Variants in HECTD4 observed in about 807,000 individuals in gnomAD.
The protein encoded by HECTD4 is HECT domain E3 ubiquitin protein ligase 4, also known as probable E3 ubiquitin-protein ligase HECTD4.
Under a neutral mutation model 471.5 loss-of-function variants are expected in HECTD4, and 114 were observed. That is an observed-to-expected ratio of 0.24 (90% CI 0.21 to 0.28). The LOEUF is 0.28. Ranked by LOEUF, HECTD4 falls within the 10% of genes least tolerant of loss-of-function variation. The pLI, the probability that HECTD4 is intolerant of heterozygous loss-of-function variation, is 1.00. For missense variants in HECTD4, 3,866 were observed against 5,651.5 expected, an observed-to-expected ratio of 0.68 and a Z score of 10.13; for synonymous variants, 2,012 against 2,256.0, an observed-to-expected ratio of 0.89 and a Z score of 3.07.
chr12:112,341,778 A>G (rs890430674), intron 1 of HECTD4, among the ~76,000 whole-genome samples: 1 of 152,224 alleles, frequency 6.6e-6, no homozygotes, highest in Admixed American at 6.5e-5. Context: ...ATAAACCACT[A>G]AAAAGAAGAT....
At chr12:112,253,820 G>A (rs1324809725) in intron 22 of HECTD4, among the ~76,000 whole-genome samples, 1 of 152,168 alleles carries the variant, frequency 6.6e-6, no homozygotes, top group Non-Finnish European at 1.5e-5. Flanking sequence ...TTCTATGCAT[G>A]GAGTAACTTG....
chr12:112,319,642 C>T lies in HECTD4; in HGVS notation c.278G>A (p.Arg93His), dbSNP rs2035546989. The T allele has an allele frequency of 7.3e-7, 1 of 1,365,728 alleles. No homozygotes were observed. The highest frequency in any genetic ancestry group is 9.4e-7 in the Non-Finnish European group (1 of 1,062,724). The allele number at this position is 1,365,728 out of a possible 1,614,324, so 84.6% of individuals were successfully genotyped here. Residue 93 changes from arginine to histidine, a missense_variant, in exon 2 of 76, where the codon CGC becomes CAC. Arg to His is a conservative substitution (Grantham distance 29). Coordinates refer to ENST00000682272, the MANE Select transcript of HECTD4 (RefSeq NM_001388303.1). This position sits in a 1 kb window ranked among gnomAD's most constrained non-coding sequence, Gnocchi z 5.3. ...SNAYARLLEY[R>H]LNALRGLWNA... Reference sequence around the variant, plus strand: ...CCACAGTCCTCGCAAGGCATTCAGGCGGTATTCCAGCAGCCGGGCATAGGC... The same window carrying T: ...CCACAGTCCTCGCAAGGCATTCAGGTGGTATTCCAGCAGCCGGGCATAGGC...
At position 112,235,661 on chromosome 12, in the gene HECTD4, C is replaced by T. The variant is rs376486522; in HGVS notation, c.5568G>A (p.Ala1856=). Residue 1856 remains alanine, a synonymous_variant, in exon 36 of 76, where the codon GCG becomes GCA. Coordinates refer to ENST00000682272, the MANE Select transcript of HECTD4 (RefSeq NM_001388303.1). This position sits in a 1 kb window ranked among gnomAD's most constrained non-coding sequence, Gnocchi z 5.0. ...VLIILQLCRA[A]LPLMSVEDCG... ...AGTCTTCTACGCTCATCAGGGGCAG[C>T]GCCGCCCGGCACAGCTGGAGAATAA... 205 of 1,614,004 alleles carry T rather than the reference C, an allele frequency of 1.3e-4. No individual in the cohort carries two copies. In the African/African-American group the frequency reaches 2.1e-3, roughly 17 times the overall value.
chr12:112,190,152 C>G (rs2032031168), intron 60 of HECTD4, among the ~76,000 whole-genome samples: 1 of 152,214 alleles, frequency 6.6e-6, no homozygotes, highest in African/African-American at 2.4e-5. Flanking sequence ...CACTTACCAG[C>G]TAGATTCCAC....
chr12:112,210,457 C>T (rs1470281234), intron 49 of HECTD4, among the ~76,000 whole-genome samples: 1 of 152,164 alleles, frequency 6.6e-6, no homozygotes, highest in Non-Finnish European at 1.5e-5. Flanking sequence ...CTGTCCCTCA[C>T]CTCACACTCT....
At chr12:112,362,991 T>C (rs747770113) in intron 1 of HECTD4, among the ~76,000 whole-genome samples, 1 of 151,200 alleles carries the variant, frequency 6.6e-6, no homozygotes, top group Non-Finnish European at 1.5e-5. Context: ...CATGAGCCAC[T>C]GCGCCCAGCC....
At chr12:112,294,433 A>G (rs2034960518) in intron 7 of HECTD4, among the ~76,000 whole-genome samples, 1 of 152,240 alleles carries the variant, frequency 6.6e-6, no homozygotes, top group Admixed American at 6.5e-5. Flanking sequence ...TAGGAGGTCT[A>G]TGGCTAAGCC....
At chr12:112,310,497 G>A (rs1255200628) in intron 4 of HECTD4, among the ~76,000 whole-genome samples, 1 of 152,120 alleles carries the variant, frequency 6.6e-6, no homozygotes, top group Non-Finnish European at 1.5e-5. Flanking sequence ...AGAGCTTATG[G>A]ATAAAACTTT....
rs2033467142 is a variant in HECTD4, at chr12:112,235,015, C to T, written c.5915+62G>A. On this transcript the variant is annotated intron_variant, in intron 37 of 75. Coordinates refer to ENST00000682272, the MANE Select transcript of HECTD4 (RefSeq NM_001388303.1). This position sits in a 1 kb window ranked among gnomAD's most constrained non-coding sequence, Gnocchi z 5.0. The stretch of plus-strand genomic sequence containing the variant: ...CGATACATGTACAGGGCTTACTTAG[C>T]ACAGTGCCTGTGACATGGGTGGTGC... The T allele has an allele frequency of 8.2e-6, 12 of 1,463,766 alleles. No individual in the cohort carries two copies. In the South Asian group the frequency reaches 1.6e-4, roughly 19 times the overall value. The allele number at this position is 1,463,766 out of a possible 1,614,324, so 90.7% of individuals were successfully genotyped here.
intron 1 of HECTD4, among the ~76,000 whole-genome samples, chr12:112,371,721 T>TA (rs2036675966): frequency 6.6e-6 from 1 of 151,786 alleles, no homozygotes. Flanking sequence ...ACCCCGTCTC[T>TA]ACTAAAACTA....
At chr12:112,331,455 C>T (rs2035843359) in intron 1 of HECTD4, among the ~76,000 whole-genome samples, 1 of 152,140 alleles carries the variant, frequency 6.6e-6, no homozygotes, top group Non-Finnish European at 1.5e-5. Context: ...AGGTTCTATG[C>T]CAGCCTCTGC....
chr12:112,377,857 TA>T (rs1041024718), intron 1 of HECTD4, among the ~76,000 whole-genome samples: 1 of 151,766 alleles, frequency 6.6e-6, no homozygotes, highest in Non-Finnish European at 1.5e-5. Context: ...GTAACAAGAA[TA>T]AAACTCGGTC....
intron 54 of HECTD4, among the ~76,000 whole-genome samples, chr12:112,201,877 G>C (rs1676723415): frequency 6.6e-6 from 1 of 152,090 alleles, no homozygotes; most frequent in Non-Finnish European, 1.5e-5. Context: ...TCATACATAT[G>C]TATTTTGGAT....
intron 16 of HECTD4, among the ~76,000 whole-genome samples, 163 bp from the exon 17 acceptor site, chr12:112,264,375 T>C (rs1377610930): frequency 1.3e-5 from 2 of 152,226 alleles, no homozygotes; most frequent in East Asian, 1.9e-4. Context: ...TGGCTTTCCA[T>C]ACATACTTTG....
At chr12:112,278,659 A>G (rs952858762) in intron 9 of HECTD4, among the ~76,000 whole-genome samples, 2 of 152,192 alleles carry the variant, frequency 1.3e-5, no homozygotes. Context: ...TTGGGAGGCC[A>G]AGGTGGGTGG....
chr12:112,278,930 G>C (rs2034580937), intron 9 of HECTD4, among the ~76,000 whole-genome samples: 1 of 152,160 alleles, frequency 6.6e-6, no homozygotes, highest in Non-Finnish European at 1.5e-5. Flanking sequence ...TAGAGCTCTT[G>C]CTGTATCATC....
At chr12:112,231,393 G>T in intron 39 of HECTD4, 120 bp downstream of exon 39, 1 of 893,000 alleles carries the variant, frequency 1.1e-6, no homozygotes, top group Non-Finnish European at 1.8e-6. Context: ...TACTACAGCA[G>T]ATGGCGGCCT....
chr12:112,216,460 G>A (rs1269966339), intron 47 of HECTD4, 89 bp from the exon 48 acceptor site: 8 of 889,252 alleles, frequency 9.0e-6, no homozygotes, highest in South Asian at 2.9e-5. Flanking sequence ...GAAGTGGAGG[G>A]GGGGTGGTCA....
intron 72 of HECTD4, among the ~76,000 whole-genome samples, chr12:112,164,654 CTT>C (rs1471331786): frequency 6.6e-6 from 1 of 150,712 alleles, no homozygotes; most frequent in Non-Finnish European, 1.5e-5. Flanking sequence ...GAGTTTTGCT[CTT>C]GTTGCCCAGG....
Sources: gnomAD v4.1 joint callset for allele counts (sites outside exome capture counted in the v4.1 genomes callset) on GRCh38, gnomAD v4.1.1 for gene constraint, Gnocchi (gnomAD v3.1) non-coding constraint, MANE v1.5 for transcripts, NCBI Gene and HGNC (gene_info 2026-07-23, HGNC 2026-07-21) for gene names.